The following MOGAT2 variants were observed in gnomAD, a reference collection of about 807,000 sequenced individuals.
MOGAT2 encodes the protein 2-acylglycerol O-acyltransferase 2.
Under a neutral mutation model 31.5 loss-of-function variants are expected in MOGAT2, and 27 were observed. That is an observed-to-expected ratio of 0.86 (90% CI 0.63 to 1.18). The LOEUF is 1.18. Ranked by LOEUF, MOGAT2 falls within the 50% of genes most tolerant of loss-of-function variation. The probability of loss-of-function intolerance (pLI) is 0.00; values close to 1 mark genes in which losing one functional copy is unlikely to be tolerated. For synonymous variants in MOGAT2, 163 were observed against 170.0 expected (o/e 0.96, Z 0.32); for missense variants, 436 against 433.2 (o/e 1.01, Z -0.06).
rs574886714 is a variant in MOGAT2 at position 75,717,921 on chromosome 11, G to T, written c.33G>T (p.Trp11Cys). The change falls in exon 1 of 6, where the codon TGG (tryptophan) becomes TGT (cysteine). Residue 11 changes from tryptophan to cysteine, a missense_variant. Trp to Cys is a radical substitution (Grantham distance 215). Transcript: ENST00000198801. Reference sequence around the variant, plus strand: ...AGTTCGCGCCCTTGTTTATGCCGTGGGAGCGCAGGCTGCAGACACTTGCTG... The same window carrying T: ...AGTTCGCGCCCTTGTTTATGCCGTGTGAGCGCAGGCTGCAGACACTTGCTG... The part of the protein sequence containing the change: MVEFAPLFMP[W>C]ERRLQTLAVL... The T allele has an allele frequency of 6.2e-7, 1 of 1,614,220 alleles. No homozygotes were observed. The highest frequency in any genetic ancestry group is 1.7e-5 in the Admixed American group (1 of 60,030).
Position 75,732,630 on chromosome 11 carries a change from C to T in MOGAT2, c.*1344C>T, listed in dbSNP as rs1292580187. On this transcript the variant is annotated 3_prime_UTR_variant, in exon 6 of 6. Transcript: ENST00000198801. ...TTGTCTCAGCTATATTGTCTCACCTCTGAGTTTTTGCCCATGATGTTGGAT... is the reference window on the plus strand; with the variant it reads ...TTGTCTCAGCTATATTGTCTCACCTTTGAGTTTTTGCCCATGATGTTGGAT... 6.6e-6 allele frequency: 1 copy of T among 152,362 alleles called. No homozygotes were observed. The highest frequency in any genetic ancestry group is 1.5e-5 in the Non-Finnish European group (1 of 68,160). The allele number at this position is 152,362 out of a possible 1,614,324, so 9.4% of individuals were successfully genotyped here. A position where few individuals can be genotyped will look rare whatever the true frequency, so the allele number is the denominator to read the frequency against.
chr11:75,721,682 C>A (rs567028126), intron 2 of MOGAT2, among the ~76,000 whole-genome samples: 4 of 152,242 alleles, frequency 2.6e-5, no homozygotes, highest in African/African-American at 9.6e-5. Flanking sequence ...CTGGGGAGGA[C>A]TCTGAGAGCC....
chr11:75,724,629 T>C (rs1046384021), intron 2 of MOGAT2, among the ~76,000 whole-genome samples: 1 of 151,448 alleles, frequency 6.6e-6, no homozygotes, highest in African/African-American at 2.4e-5. Flanking sequence ...GCCATTGCAC[T>C]CCAGCCTGGG....
rs778612784 is a variant in MOGAT2, at chr11:75,728,930, G to A, written c.791G>A (p.Arg264His). The A allele has an allele frequency of 4.5e-5, 73 of 1,614,030 alleles. No individual in the cohort carries two copies. Among genetic ancestry groups the A allele is most frequent in the Admixed American group, 8.3e-5 (5 of 59,992 alleles). The change falls in exon 5 of 6, where the codon CGT becomes CAT. Residue 264 changes from arginine (R) to histidine (H), a missense_variant. Transcript: ENST00000198801. ...ATCTCCCTCCCACTCTTTCATGGCC[G>A]TGGTGTCTTCCAGTACAGCTTTGGT... ...MGISLPLFHG[R>H]GVFQYSFGLI...
intron 2 of MOGAT2, among the ~76,000 whole-genome samples, chr11:75,722,906 A>T (rs758317493): frequency 1.3e-5 from 2 of 152,222 alleles, no homozygotes; most frequent in Non-Finnish European, 2.9e-5. Flanking sequence ...CTGGTGGGAC[A>T]CAGGCCTCGA....
Position 75,731,171 on chromosome 11 carries a change from C to G in MOGAT2, c.890C>G (p.Ser297Trp). 6.2e-7 allele frequency: 1 copy of G among 1,614,080 alleles called. No individual in the cohort carries two copies. Among genetic ancestry groups the G allele is most frequent in the Non-Finnish European group, 8.5e-7 (1 of 1,180,008 alleles). ...PIEVQKTLHP[S>W]EEEVNQLHQR... ...GAGGTACAGAAGACGCTGCATCCCT[C>G]GGAGGAGGAGGTGAACCAGCTGCAC... The change falls in exon 6 of 6, where the codon TCG (serine) becomes TGG (tryptophan). Residue 297 changes from serine (S) to tryptophan (W), a missense_variant. Physicochemically the swap from Ser to Trp is radical, Grantham distance 177. Coordinates refer to ENST00000198801, the MANE Select transcript of MOGAT2 (RefSeq NM_025098.4).
intron 2 of MOGAT2, among the ~76,000 whole-genome samples, chr11:75,723,783 C>A (rs918326041): frequency 6.6e-6 from 1 of 152,104 alleles, no homozygotes. Context: ...GCAATAGCAG[C>A]CCCCAGAGCC....
Position 75,727,319 on chromosome 11 carries a change from A to G in MOGAT2, c.271-116A>G, listed in dbSNP as rs1315080057. The G allele has an allele frequency of 5.7e-6, 5 of 877,614 alleles. No individual in the cohort carries two copies. In the African/African-American group the frequency reaches 6.7e-5, roughly 12 times the overall value. The allele number at this position is 877,614 out of a possible 1,614,324, so 54.4% of individuals were successfully genotyped here. On this transcript the variant is annotated intron_variant, in intron 2 of 5. Coordinates refer to ENST00000198801, the MANE Select transcript of MOGAT2 (RefSeq NM_025098.4). ...GTAAGAACCCAGGGTGGTCAGACAT[A>G]TGGATGAAGACCTGGAGGCTCAGAG...
chr11:75,720,530 A>G (rs1452915405), intron 2 of MOGAT2, among the ~76,000 whole-genome samples: 1 of 152,220 alleles, frequency 6.6e-6, no homozygotes, highest in Non-Finnish European at 1.5e-5. Context: ...TCTAAGGACC[A>G]TCTAGCCTCA....
intron 2 of MOGAT2, among the ~76,000 whole-genome samples, chr11:75,721,230 T>C (rs1944374276): frequency 6.6e-6 from 1 of 152,156 alleles, no homozygotes; most frequent in Non-Finnish European, 1.5e-5. Flanking sequence ...TAATGACACA[T>C]ACCTCACTGG....
intron 1 of MOGAT2, 123 bp downstream of exon 1, chr11:75,718,102 G>A (rs570792865): frequency 2.6e-5 from 26 of 1,007,298 alleles, no homozygotes; most frequent in African/African-American, 1.6e-4. Context: ...GCTTTGTTGC[G>A]CTCAGAGCCC....
intron 1 of MOGAT2, among the ~76,000 whole-genome samples, 166 bp downstream of exon 1, chr11:75,718,145 G>T (rs1944346091): frequency 6.6e-6 from 1 of 152,200 alleles, no homozygotes; most frequent in East Asian, 1.9e-4. Context: ...CCTGCCCAGA[G>T]GCTTCTTGGG....
intron 2 of MOGAT2, among the ~76,000 whole-genome samples, chr11:75,722,442 G>C (rs1475281641): frequency 6.6e-6 from 1 of 152,192 alleles, no homozygotes; most frequent in Non-Finnish European, 1.5e-5. Context: ...CAGAGGTTCT[G>C]GCTCTGGTCT....
Position 75,732,463 on chromosome 11 carries a change from G to A in MOGAT2, c.*1177G>A, listed in dbSNP as rs2135739638. 6.6e-6 allele frequency: 1 copy of A among 152,326 alleles called. No individual in the cohort carries two copies. Among genetic ancestry groups the A allele is most frequent in the South Asian group, 2.1e-4 (1 of 4,820 alleles). 9.4% of individuals were successfully genotyped at this position (152,326 alleles called of 1,614,324 possible). A position where few individuals can be genotyped will look rare whatever the true frequency, so the allele number is the denominator to read the frequency against. ...CAGAGTGGATCTGGAGGGGTCAACG[G>A]AAGACGGAACATGTCCACTTCCAGG... is the stretch of plus-strand genomic sequence containing the variant. On this transcript the variant is annotated 3_prime_UTR_variant, in exon 6 of 6. Transcript: ENST00000198801.
At chr11:75,728,294 T>G in intron 4 of MOGAT2, 150 bp downstream of exon 4, 1 of 945,358 alleles carries the variant, frequency 1.1e-6, no homozygotes, top group Non-Finnish European at 1.6e-6. Flanking sequence ...TGGTGTCTTA[T>G]GCCCAAATAC....
In MOGAT2 at chr11:75,728,968, C is replaced by G. The variant is rs377311369; in HGVS notation, c.829C>G (p.Arg277Gly). Residue 277 changes from arginine (R) to glycine (G), a missense_variant, in exon 5 of 6, where the codon CGC becomes GGC. Arg to Gly is a moderately radical substitution (Grantham distance 125). Transcript: ENST00000198801. ...GTACAGCTTTGGTTTAATACCCTAC[C>G]GCCGGCCCATCACCACTGTGGGTAA... ...FQYSFGLIPY[R>G]RPITTVVGKP... is the part of the protein sequence containing the mutation. The G allele has an allele frequency of 1.2e-6, 2 of 1,613,764 alleles. No individual in the cohort carries two copies. The highest frequency in any genetic ancestry group is 1.7e-6 in the Non-Finnish European group (2 of 1,180,044).
At chr11:75,723,507 A>G (rs1433016014) in intron 2 of MOGAT2, among the ~76,000 whole-genome samples, 1 of 149,336 alleles carries the variant, frequency 6.7e-6, no homozygotes, top group Non-Finnish European at 1.5e-5. Context: ...AAGAGACAGT[A>G]GGGATCCTCA....
chr11:75,728,830 CT>C lies in MOGAT2; in HGVS notation c.692del (p.Leu231HisfsTer43). On this transcript the variant is annotated frameshift_variant, in exon 5 of 6. Transcript: ENST00000198801. LOFTEE classifies it high-confidence loss of function. ...AATCTTCTCCTTCGGGGAGAATGAC[CT>C]ATTTGACCAGATTCCCAACTCTTCT... Reference protein sequence around the residue: ...VPIFSFGENDLFDQIPNSSGS... With the variant: ...VPIFSFGENDXFDQIPNSSGS... 2 of 1,614,218 alleles carry C rather than the reference CT, an allele frequency of 1.2e-6. No homozygotes were observed. The highest frequency in any genetic ancestry group is 8.5e-7 in the Non-Finnish European group (1 of 1,180,042).
intron 2 of MOGAT2, among the ~76,000 whole-genome samples, chr11:75,722,993 C>G (rs1413465061): frequency 1.3e-5 from 2 of 152,104 alleles, no homozygotes; most frequent in Non-Finnish European, 2.9e-5. Context: ...CGGAGTTTCA[C>G]TTTTGTTGCC....
Sources: gnomAD v4.1 joint callset for allele counts (sites outside exome capture counted in the v4.1 genomes callset) on GRCh38, gnomAD v4.1.1 for gene constraint, MANE v1.5 for transcripts, NCBI Gene and HGNC (gene_info 2026-07-23, HGNC 2026-07-21) for gene names.